Variants in NME8 observed in about 807,000 individuals in gnomAD.
NME8 encodes the protein protein NME8.
In NME8, 72 loss-of-function variants were observed where a neutral mutation model predicts 82.3. The observed-to-expected ratio is 0.87, with a 90% CI of 0.72 to 1.06. NME8 has a LOEUF of 1.06. Ranked by LOEUF, NME8 falls within the 50% of genes least tolerant of loss-of-function variation. The pLI is 0.00. For synonymous variants in NME8, 267 were observed against 228.5 expected (o/e 1.17, Z -1.52); for missense variants, 712 against 685.4 (o/e 1.04, Z -0.43).
At chr7:37,886,115 C>G (rs1376477858) in intron 14 of NME8, among the ~76,000 whole-genome samples, 2 of 152,128 alleles carry the variant, frequency 1.3e-5, no homozygotes, top group African/African-American at 4.8e-5. Context: ...CATGTATTGC[C>G]CCTTAGTTAG....
intron 6 of NME8, among the ~76,000 whole-genome samples, chr7:37,861,453 C>T (rs1357299009): frequency 6.6e-6 from 1 of 152,170 alleles, no homozygotes; most frequent in Non-Finnish European, 1.5e-5. Flanking sequence ...GACCAAAACC[C>T]ATTCTTATAG....
chr7:37,895,710 CATGGAGCTGAAAA>C (rs1438103266), intron 16 of NME8, among the ~76,000 whole-genome samples: 1 of 147,392 alleles, frequency 6.8e-6, no homozygotes, highest in African/African-American at 2.4e-5. Flanking sequence ...ATAAGATTAT[CATGGAGCTGAAAA>C]ATTCCTATTG....
chr7:37,898,566 G>T (rs112997998), intron 17 of NME8, among the ~76,000 whole-genome samples: 22 of 152,278 alleles, frequency 1.4e-4, no homozygotes, highest in African/African-American at 5.1e-4. Context: ...GATGCATACT[G>T]CAACATGGAT....
At chr7:37,891,130 TTTTG>T (rs1785123349) in intron 15 of NME8, among the ~76,000 whole-genome samples, 1 of 151,940 alleles carries the variant, frequency 6.6e-6, no homozygotes, top group African/African-American at 2.4e-5. Flanking sequence ...TTTTTGGGGT[TTTTG>T]TTTGTTTGCT....
chr7:37,857,354 A>G lies in NME8; in HGVS notation c.270+9A>G, dbSNP rs377202353. ...TTTTTCTCTTTAGTGTTGTAAGTATATTTACTTTCTCAATTGCATTATCAG... is the reference window on the plus strand; with the variant it reads ...TTTTTCTCTTTAGTGTTGTAAGTATGTTTACTTTCTCAATTGCATTATCAG... On this transcript the variant is annotated intron_variant, in intron 6 of 17. Transcript: ENST00000199447. The G allele has an allele frequency of 3.2e-5, 50 of 1,571,028 alleles. No homozygotes were observed. Among genetic ancestry groups the G allele is most frequent in the Non-Finnish European group, 4.2e-5 (48 of 1,141,874 alleles).
At chr7:37,888,177 T>C (rs2251179) in intron 14 of NME8, 100 bp from the exon 15 acceptor site, 5 of 1,191,802 alleles carry the variant, frequency 4.2e-6, no homozygotes, top group Non-Finnish European at 5.0e-6. Flanking sequence ...GATCTGGAAT[T>C]ATTTGCTGTT....
chr7:37,877,555 A>T (rs1434288503), intron 12 of NME8, among the ~76,000 whole-genome samples: 1 of 152,116 alleles, frequency 6.6e-6, no homozygotes, highest in African/African-American at 2.4e-5. Context: ...ATTACCATTA[A>T]TATTTATATA....
chr7:37,854,809 C>T (rs1465431935), intron 5 of NME8, among the ~76,000 whole-genome samples: 1 of 152,028 alleles, frequency 6.6e-6, no homozygotes, highest in African/African-American at 2.4e-5. Flanking sequence ...CTTTCACCCC[C>T]CACCTTTTTG....
chr7:37,885,514 C>A (rs1420150182), intron 14 of NME8, among the ~76,000 whole-genome samples: 1 of 152,150 alleles, frequency 6.6e-6, no homozygotes, highest in Non-Finnish European at 1.5e-5. Flanking sequence ...GTCAACAGGT[C>A]ATCTCTTGGG....
rs1398975120 is a variant in NME8 at position 37,861,894 on chromosome 7, T to G, written c.271-134T>G. The G allele has an allele frequency of 3.9e-6, 3 of 762,630 alleles. No individual in the cohort carries two copies. The African/African-American group carries it at 5.1e-5, about 13-fold the overall frequency. 47.2% of individuals were successfully genotyped at this position (762,630 alleles called of 1,614,324 possible). On this transcript the variant is annotated intron_variant, in intron 6 of 17. Coordinates refer to ENST00000199447, the MANE Select transcript of NME8 (RefSeq NM_016616.5). ...TTAAGACCTTACTGTAAAACGTTAA[T>G]TACCATAGCTAAAAGAGGATTCATG...
intron 15 of NME8, among the ~76,000 whole-genome samples, chr7:37,890,881 C>T (rs1399314800): frequency 6.6e-6 from 1 of 151,882 alleles, no homozygotes; most frequent in African/African-American, 2.4e-5. Flanking sequence ...CAAATCTTGG[C>T]TGTTGTGGAT....
At chr7:37,870,775 T>G (rs1784755639) in intron 11 of NME8, among the ~76,000 whole-genome samples, 1 of 152,056 alleles carries the variant, frequency 6.6e-6, no homozygotes. Context: ...TGTCTGCTTT[T>G]TCTCCAACTA....
At chr7:37,854,539 C>A (rs183614208) in intron 5 of NME8, among the ~76,000 whole-genome samples, 1 of 152,244 alleles carries the variant, frequency 6.6e-6, no homozygotes, top group East Asian at 1.9e-4. Context: ...CCTTCTTCCA[C>A]CATTTGCTTT....
chr7:37,888,457 A>G (rs754569974), intron 15 of NME8, 29 bp downstream of exon 15: 2 of 1,593,414 alleles, frequency 1.3e-6, no homozygotes, highest in Non-Finnish European at 1.7e-6. Context: ...AAGTGAATGT[A>G]TACATTTTCT....
chr7:37,866,971 T>G (rs1469480855), intron 10 of NME8, among the ~76,000 whole-genome samples: 1 of 152,172 alleles, frequency 6.6e-6, no homozygotes, highest in Non-Finnish European at 1.5e-5. Context: ...TTCTTCTGAG[T>G]CTCTGATGAG....
chr7:37,856,695 A>T (rs1241497544), intron 5 of NME8, among the ~76,000 whole-genome samples: 3 of 152,256 alleles, frequency 2.0e-5, no homozygotes, highest in African/African-American at 7.2e-5. Context: ...TAAAATTCAA[A>T]ATCTTTAAAA....
chr7:37,853,169 G>C (rs1041531476), intron 5 of NME8, among the ~76,000 whole-genome samples: 2 of 151,874 alleles, frequency 1.3e-5, no homozygotes, highest in African/African-American at 4.8e-5. Context: ...TTTTTTAATT[G>C]GGTTGTTTGT....
Position 37,884,442 on chromosome 7 carries a change from G to T in NME8, c.1134G>T (p.Met378Ile), listed in dbSNP as rs1436795192. 3.7e-6 allele frequency: 6 copies of T among 1,610,360 alleles called. No individual in the cohort carries two copies. The South Asian group carries it at 6.6e-5, about 18-fold the overall frequency. ...EDYFNKLIEN[M>I]TSGPSLALVL... ...ATTTTAATAAACTTATAGAAAACATGACCAGGTAGAATCCAGGTTGAGAAA... is the reference window on the plus strand; with the variant it reads ...ATTTTAATAAACTTATAGAAAACATTACCAGGTAGAATCCAGGTTGAGAAA... The change falls in exon 13 of 18, where the codon ATG becomes ATT. Residue 378 changes from methionine to isoleucine, a missense_variant. Physicochemically the swap from Met to Ile is conservative, Grantham distance 10 (BLOSUM62 1). Transcript: ENST00000199447.
intron 4 of NME8, 61 bp from the exon 5 acceptor site, chr7:37,850,568 G>T: frequency 6.6e-7 from 1 of 1,515,290 alleles, no homozygotes; most frequent in Non-Finnish European, 9.2e-7. Context: ...GCTCCAGATT[G>T]GGATAACTGC....
Sources: allele counts gnomAD v4.1 joint callset (sites outside exome capture counted in the v4.1 genomes callset), GRCh38; gene constraint gnomAD v4.1.1; transcripts MANE v1.5; gene names NCBI Gene and HGNC (gene_info 2026-07-23, HGNC 2026-07-21).